USP30: variants seen among roughly 807,000 people sequenced by gnomAD.
USP30 encodes the protein ubiquitin carboxyl-terminal hydrolase 30.
A neutral mutation model predicts 68.2 loss-of-function variants in USP30; 41 were observed. The ratio of observed to expected loss-of-function variants is 0.60; its 90% CI spans 0.47 to 0.78. The LOEUF (loss-of-function observed/expected upper bound fraction) is 0.78. Among genes scored for constraint, USP30 ranks in the 30% least tolerant of loss-of-function variants. The pLI, the probability that USP30 is intolerant of heterozygous loss-of-function variation, is 0.00. For synonymous variants in USP30, 229 were observed against 253.7 expected (o/e 0.90, Z 0.93); for missense variants, 522 against 649.4 (o/e 0.80, Z 2.13).
At chr12:109,055,396 ATATATTTT>A (rs1399931344) in intron 1 of USP30, among the ~76,000 whole-genome samples, 132 of 40,626 alleles carry the variant, frequency 3.2e-3, no homozygotes, top group African/African-American at 0.011. Flanking sequence ...ATATATATAT[ATATATTTT>A]TTTTTTTTTT....
chr12:109,073,636 A>G, intron 7 of USP30, 104 bp downstream of exon 7: 1 of 1,005,874 alleles, frequency 9.9e-7, no homozygotes, highest in Non-Finnish European at 1.5e-6. Flanking sequence ...CTGGTGTTAG[A>G]GACTACCTGG....
intron 7 of USP30, 88 bp downstream of exon 7, chr12:109,073,620 C>T (rs758680895): frequency 5.0e-5 from 59 of 1,172,756 alleles, no homozygotes; most frequent in Middle Eastern, 1.9e-4. Flanking sequence ...GGGCTGACAT[C>T]GGTCACTGGT....
At chr12:109,081,267 T>G in intron 7 of USP30, 67 bp from the exon 8 acceptor site, 1 of 1,460,046 alleles carries the variant, frequency 6.8e-7, no homozygotes, top group Non-Finnish European at 9.6e-7. Flanking sequence ...TAGTCACATA[T>G]CTTGCATCTT....
At chr12:109,076,034 C>T (rs1460537471) in intron 7 of USP30, among the ~76,000 whole-genome samples, 1 of 152,012 alleles carries the variant, frequency 6.6e-6, no homozygotes. Flanking sequence ...TTCTGAGTGA[C>T]ATTACCTTGA....
In USP30 at chr12:109,082,719, T is replaced by C. The variant is rs2041837593; in HGVS notation, c.924T>C (p.Phe308=). The change falls in exon 10 of 13, where the codon TTT becomes TTC. Residue 308 remains phenylalanine, a synonymous_variant. Transcript: ENST00000257548. ...AGGTGGAACACCAGAGGACCACTTTTGTTAAACAGTTAAAACTAGGGAAGG... is the reference window on the plus strand; with the variant it reads ...AGGTGGAACACCAGAGGACCACTTTCGTTAAACAGTTAAAACTAGGGAAGG... ...GEKVEHQRTT[F]VKQLKLGKLP... is the part of the protein sequence containing the mutation. 1.2e-6 allele frequency: 2 copies of C among 1,614,110 alleles called. No homozygotes were observed. The highest frequency in any genetic ancestry group is 1.7e-6 in the Non-Finnish European group (2 of 1,180,030).
intron 3 of USP30, among the ~76,000 whole-genome samples, chr12:109,047,438 ATTGTT>A (rs771756995): frequency 2.0e-4 from 30 of 152,304 alleles, no homozygotes; most frequent in Middle Eastern, 3.4e-3. Context: ...GACATTTATT[ATTGTT>A]TTGTTTTGGC....
chr12:109,030,119 T>C (rs2040470584), intron 3 of USP30, among the ~76,000 whole-genome samples: 1 of 152,208 alleles, frequency 6.6e-6, no homozygotes, highest in East Asian at 1.9e-4. Context: ...CTTTATACCT[T>C]TCCCACACCT....
intron 8 of USP30, chr12:109,081,686 A>G: frequency 1.6e-6 from 1 of 606,792 alleles, no homozygotes. Context: ...AGATTGAAAG[A>G]TACCTAAAAC....
At chr12:109,042,966 T>A (rs998740350) in intron 3 of USP30, among the ~76,000 whole-genome samples, 11 of 152,102 alleles carry the variant, frequency 7.2e-5, no homozygotes, top group African/African-American at 2.4e-4. Flanking sequence ...TAACAATGAA[T>A]AATCTGAAAA....
intron 6 of USP30, among the ~76,000 whole-genome samples, chr12:109,072,647 G>A (rs2041481690): frequency 1.3e-5 from 2 of 152,110 alleles, no homozygotes; most frequent in South Asian, 4.1e-4. Flanking sequence ...AATCTGTCGT[G>A]TCCTCAGCAT....
Position 109,025,386 on chromosome 12 carries a change from A to G in USP30, c.-228+314A>G, listed in dbSNP as rs563081731. Among the ~76,000 whole-genome samples the G allele has an allele frequency of 1.2e-3, 181 of 152,088 alleles. 1 individual carries two copies. Among genetic ancestry groups the G allele is most frequent in the African/African-American group, 4.1e-3 (171 of 41,486 alleles). ...ATTATTTATCTTGTTGGTTTTGTCT[A>G]TCCGGAGAGCTCTGACTAATACAGT... On this transcript the variant is annotated intron_variant, in intron 2 of 15. Coordinates refer to the USP30 transcript ENST00000392784.
chr12:109,072,097 T>C (rs2041460913), intron 5 of USP30, among the ~76,000 whole-genome samples: 1 of 152,156 alleles, frequency 6.6e-6, no homozygotes, highest in Non-Finnish European at 1.5e-5. Flanking sequence ...AGAAGAAATA[T>C]GTTTCTATTG....
At chr12:109,051,785 G>A (rs140534771), upstream of USP30, among the ~76,000 whole-genome samples, 1,054 of 152,196 alleles carry the variant, frequency 6.9e-3, 5 homozygotes, top group Middle Eastern at 0.034. Context: ...GGCCAAGCTG[G>A]TCTCGAACTC....
chr12:109,076,354 T>C (rs1419452495), intron 7 of USP30, among the ~76,000 whole-genome samples: 2 of 152,146 alleles, frequency 1.3e-5, no homozygotes, highest in African/African-American at 4.8e-5. Context: ...CAAACAGTCA[T>C]GTTGCTTATG....
At chr12:109,051,572 C>CT (rs35169304), upstream of USP30, among the ~76,000 whole-genome samples, 56,882 of 95,910 alleles carry the variant, frequency 0.59, 17,774 homozygotes, top group East Asian at 0.84. Flanking sequence ...CACCTGACCT[C>CT]TTTTTTTTTT....
intron 3 of USP30, among the ~76,000 whole-genome samples, chr12:109,065,515 C>T (rs1357439161): frequency 1.3e-5 from 2 of 152,164 alleles, no homozygotes; most frequent in African/African-American, 2.4e-5. Context: ...ATCAGTGCTC[C>T]CAGTGTGGGG....
At chr12:109,035,467 G>A (rs937067473) in intron 3 of USP30, among the ~76,000 whole-genome samples, 2 of 152,004 alleles carry the variant, frequency 1.3e-5, no homozygotes, top group Non-Finnish European at 2.9e-5. Context: ...GGGTTCAAGC[G>A]ATTCTCCTGC....
chr12:109,079,333 CTTTTTCTTTTTTTTTTTCTTTTTTTTT>C (rs2041712645), intron 7 of USP30, among the ~76,000 whole-genome samples: 1 of 34,578 alleles, frequency 2.9e-5, no homozygotes, highest in Non-Finnish European at 6.7e-5. Flanking sequence ...TTTTTCTTTT[CTTTTTCTTTTTTTTTTTCTTTTTTTTT>C]TTTTTTTTTT....
At chr12:109,028,897 C>T (rs1490540871) in intron 3 of USP30, among the ~76,000 whole-genome samples, 1 of 152,230 alleles carries the variant, frequency 6.6e-6, no homozygotes, top group East Asian at 1.9e-4. Flanking sequence ...GGCTCCACCT[C>T]CAACACTGGA....
Sources: gnomAD v4.1 joint callset for allele counts (sites outside exome capture counted in the v4.1 genomes callset) on GRCh38, gnomAD v4.1.1 for gene constraint, MANE v1.5 for transcripts, NCBI Gene and HGNC (gene_info 2026-07-23, HGNC 2026-07-21) for gene names.